The following ZMYM2 variants were observed in gnomAD, a reference collection of about 807,000 sequenced individuals.
ZMYM2 encodes the protein zinc finger MYM-type containing 2.
ZMYM2 carries 56 observed loss-of-function variants against 162.8 expected under a neutral mutation model. That is an observed-to-expected ratio of 0.34 (90% confidence interval 0.28 to 0.43). ZMYM2 has a LOEUF of 0.43. ZMYM2 is among the 20% of genes least tolerant of loss of function. ZMYM2 has a pLI of 1.00. For missense variants in ZMYM2, 1,275 were observed against 1,621.8 expected (o/e 0.79, Z 3.67); for synonymous variants, 510 against 541.6 (o/e 0.94, Z 0.81).
intron 2 of ZMYM2, among the ~76,000 whole-genome samples, chr13:19,973,312 T>C (rs1956488600): frequency 6.6e-6 from 1 of 152,116 alleles, no homozygotes; most frequent in Non-Finnish European, 1.5e-5. Context: ...ATTTTATTCT[T>C]GTAAGAAATA....
At chr13:19,933,825 G>A in the ZMYM2 span, among the ~76,000 whole-genome samples, 110 of 152,284 alleles carry the variant, frequency 7.2e-4, 1 homozygote, top group African/African-American at 2.4e-3. Flanking sequence ...TGAAGAAACT[G>A]ACTCTCTTCA....
At chr13:20,070,441 C>CT (rs1956998301) in intron 21 of ZMYM2, 1 of 162,378 alleles carries the variant, frequency 6.2e-6, no homozygotes, top group African/African-American at 2.4e-5. Flanking sequence ...TTTGCCAACT[C>CT]TTTTAGTCAT....
chr13:19,879,701 G>A, the ZMYM2 span, among the ~76,000 whole-genome samples: 2,745 of 152,298 alleles, frequency 0.018, 85 homozygotes, highest in African/African-American at 0.063. Flanking sequence ...GATTTTGAGA[G>A]ACATTGCATA....
In ZMYM2 at chr13:20,020,641, GT is replaced by G. The variant is rs1228881843; in HGVS notation, c.1584+1029del. ...CACTGAGGCTTGTTTTTTGTTTTTT[GT>G]TTTTTGGTATTGTTTTGTATTGTTT... is the stretch of plus-strand genomic sequence containing the variant. On this transcript the variant is annotated intron_variant, in intron 7 of 24. Coordinates refer to ENST00000610343, the MANE Select transcript of ZMYM2 (RefSeq NM_197968.4). 2.6e-5 allele frequency among the ~76,000 whole-genome samples: 4 copies of G among 151,738 alleles called. No individual in the cohort carries two copies. The East Asian group carries it at 7.7e-4, about 29-fold the overall frequency.
intron 7 of ZMYM2, among the ~76,000 whole-genome samples, chr13:20,021,602 C>T (rs1238215325): frequency 6.6e-6 from 1 of 152,128 alleles, no homozygotes; most frequent in Non-Finnish European, 1.5e-5. Flanking sequence ...TTTATTCATA[C>T]TACCGCGGTG....
At chr13:19,865,217 C>G in the ZMYM2 span, among the ~76,000 whole-genome samples, 1 of 152,176 alleles carries the variant, frequency 6.6e-6, no homozygotes, top group Non-Finnish European at 1.5e-5. Context: ...GTAACAATAG[C>G]TGATGAGCTA....
intron 19 of ZMYM2, 186 bp from the exon 20 acceptor site, chr13:20,066,665 A>C (rs1019892501): frequency 6.9e-6 from 3 of 435,936 alleles, no homozygotes; most frequent in African/African-American, 6.1e-5. Flanking sequence ...CGATTGGAAG[A>C]GGTAGAAGGA....
intron 24 of ZMYM2, 70 bp from the exon 25 acceptor site, chr13:20,085,751 TC>T (rs1389888288): frequency 6.9e-7 from 1 of 1,442,260 alleles, no homozygotes. Flanking sequence ...TCTGAATTAT[TC>T]TTGAAAAAAG....
the ZMYM2 span, among the ~76,000 whole-genome samples, chr13:19,871,132 G>C: frequency 6.6e-6 from 1 of 152,112 alleles, no homozygotes; most frequent in Non-Finnish European, 1.5e-5. Context: ...AAACGAATAT[G>C]AATAGACATT....
chr13:20,044,768 G>A (rs182912142), intron 12 of ZMYM2, among the ~76,000 whole-genome samples: 8 of 152,228 alleles, frequency 5.3e-5, no homozygotes, highest in Admixed American at 3.3e-4. Context: ...TGTGAAGACA[G>A]GCCAGGCGCG....
chr13:20,082,751 A>G, intron 22 of ZMYM2, 30 bp from the exon 23 acceptor site: 1 of 1,469,766 alleles, frequency 6.8e-7, no homozygotes, highest in Non-Finnish European at 9.1e-7. Flanking sequence ...ATTTATTATA[A>G]TTCTTTTAAA....
chr13:19,934,089 A>C, the ZMYM2 span, among the ~76,000 whole-genome samples: 1 of 152,116 alleles, frequency 6.6e-6, no homozygotes, highest in African/African-American at 2.4e-5. Flanking sequence ...CTTGTATTAG[A>C]AGGATTTAAA....
At chr13:20,009,456 A>T (rs1367864730) in intron 6 of ZMYM2, among the ~76,000 whole-genome samples, 1 of 152,200 alleles carries the variant, frequency 6.6e-6, no homozygotes, top group Non-Finnish European at 1.5e-5. Flanking sequence ...ATTTTTAAGT[A>T]TATAAGTGAG....
Position 20,072,676 on chromosome 13 carries a change from G to C in ZMYM2, c.3453+5286G>C, listed in dbSNP as rs557741945. ...TATAGGCTTAGGATTACTTTTTGTG[G>C]TGGGGGTGGCAGGGTGTGGATGGGT... On this transcript the variant is annotated intron_variant, in intron 21 of 24. Transcript: ENST00000610343. Among the ~76,000 whole-genome samples, 37 of 152,222 alleles carry C rather than the reference G, an allele frequency of 2.4e-4. No homozygotes were observed. The South Asian group carries it at 7.2e-3, about 30-fold the overall frequency.
intron 12 of ZMYM2, among the ~76,000 whole-genome samples, chr13:20,039,322 G>T (rs973270156): frequency 2.0e-5 from 3 of 152,160 alleles, no homozygotes; most frequent in Non-Finnish European, 4.4e-5. Context: ...AACAGGAGTG[G>T]TGAGAGAGGG....
At chr13:19,868,739 A>G in the ZMYM2 span, among the ~76,000 whole-genome samples, 104,411 of 152,026 alleles carry the variant, frequency 0.69, 38,657 homozygotes, top group East Asian at 0.89. Flanking sequence ...TCAAAAATAG[A>G]ACCAAATTAT....
At chr13:19,966,557 C>T (rs867991703) in intron 2 of ZMYM2, among the ~76,000 whole-genome samples, 3 of 151,138 alleles carry the variant, frequency 2.0e-5, no homozygotes, top group South Asian at 2.1e-4. Context: ...TGGTTTCAAG[C>T]GTTTCTCCTG....
chr13:19,962,951 G>C (rs1472533622), intron 2 of ZMYM2, among the ~76,000 whole-genome samples: 1 of 151,516 alleles, frequency 6.6e-6, no homozygotes, highest in Non-Finnish European at 1.5e-5. Context: ...TTCCCAAGTA[G>C]CTGGGACTAC....
the ZMYM2 span, among the ~76,000 whole-genome samples, chr13:19,918,749 T>C: frequency 6.6e-6 from 1 of 152,016 alleles, no homozygotes; most frequent in Non-Finnish European, 1.5e-5. Context: ...TACACCCACC[T>C]CGGCCTCCCA....
Sources: gnomAD v4.1 joint callset for allele counts (sites outside exome capture counted in the v4.1 genomes callset) on GRCh38, gnomAD v4.1.1 for gene constraint, MANE v1.5 for transcripts, NCBI Gene and HGNC (gene_info 2026-07-23, HGNC 2026-07-21) for gene names.